Variants in PDZD8 observed in about 807,000 individuals in gnomAD.
The protein encoded by PDZD8 is PDZ domain containing 8.
Under a neutral mutation model 85.8 loss-of-function variants are expected in PDZD8, and 14 were observed. That is an observed-to-expected ratio of 0.16 (90% confidence interval 0.11 to 0.26). The LOEUF is 0.26. Among genes scored for constraint, PDZD8 ranks in the 10% least tolerant of loss-of-function variants. The pLI is 1.00. For synonymous variants in PDZD8, 592 were observed against 568.6 expected, an observed-to-expected ratio of 1.04 and a Z score of -0.59; for missense variants, 1,197 against 1,424.3, an observed-to-expected ratio of 0.84 and a Z score of 2.57.
intron 3 of PDZD8, among the ~76,000 whole-genome samples, chr10:117,301,517 C>T (rs1415224484): frequency 6.6e-6 from 1 of 152,192 alleles, no homozygotes; most frequent in Non-Finnish European, 1.5e-5. Context: ...CTATGTACAA[C>T]ATACTTGGCA....
intron 3 of PDZD8, among the ~76,000 whole-genome samples, chr10:117,312,955 T>C (rs1844063935): frequency 6.6e-6 from 1 of 152,216 alleles, no homozygotes; most frequent in African/African-American, 2.4e-5. Flanking sequence ...GTGACATCTT[T>C]CATGAAAAGT....
chr10:117,348,946 C>T (rs1030394929), intron 1 of PDZD8, among the ~76,000 whole-genome samples: 3 of 152,186 alleles, frequency 2.0e-5, no homozygotes, highest in African/African-American at 4.8e-5. Context: ...GTTTTACATA[C>T]ATTACTATAT....
chr10:117,305,469 C>T (rs74878800), intron 3 of PDZD8, among the ~76,000 whole-genome samples: 17 of 98,962 alleles, frequency 1.7e-4, no homozygotes, highest in African/African-American at 6.0e-4. Flanking sequence ...TATACACACA[C>T]ATACACACAC....
At chr10:117,337,786 C>T (rs1383598716) in intron 2 of PDZD8, among the ~76,000 whole-genome samples, 1 of 152,130 alleles carries the variant, frequency 6.6e-6, no homozygotes, top group East Asian at 1.9e-4. Flanking sequence ...AGCTCCCTTG[C>T]CCATTTCACA....
At chr10:117,364,766 TGA>T (rs373373244) in intron 1 of PDZD8, among the ~76,000 whole-genome samples, 128 of 152,052 alleles carry the variant, frequency 8.4e-4, no homozygotes, top group African/African-American at 2.7e-3. Flanking sequence ...AGAGAATGGC[TGA>T]GAGTAGAGAA....
intron 3 of PDZD8, among the ~76,000 whole-genome samples, chr10:117,302,725 C>T (rs2794418): frequency 0.49 from 75,012 of 151,902 alleles, 19,527 homozygotes; most frequent in South Asian, 0.58. Context: ...CCCAGGGGGG[C>T]GTAATTGAAT....
chr10:117,332,827 AAG>A (rs2133832733), intron 2 of PDZD8, among the ~76,000 whole-genome samples: 1 of 150,332 alleles, frequency 6.7e-6, no homozygotes, highest in Non-Finnish European at 1.5e-5. Context: ...TTTTTTAAAA[AAG>A]GATATGGGCC....
At chr10:117,325,805 A>G (rs1844306922) in intron 2 of PDZD8, among the ~76,000 whole-genome samples, 1 of 152,074 alleles carries the variant, frequency 6.6e-6, no homozygotes, top group South Asian at 2.1e-4. Flanking sequence ...GGATTCTTCT[A>G]GTTTCCTCCT....
Position 117,370,189 on chromosome 10 carries a change from A to G in PDZD8, c.872+4167T>C, listed in dbSNP as rs557723311. The stretch of plus-strand genomic sequence containing the variant: ...TGGATGAATGAAATTCCTAACTTGA[A>G]TAAATCTGTAAACATATTGTCTACA... On this transcript the variant is annotated intron_variant, in intron 1 of 4. Coordinates refer to ENST00000334464, the MANE Select transcript of PDZD8 (RefSeq NM_173791.5). Among the ~76,000 whole-genome samples the G allele has an allele frequency of 2.2e-4, 34 of 152,360 alleles. No homozygotes were observed. In the South Asian group the frequency reaches 6.4e-3, roughly 29 times the overall value.
At chr10:117,343,516 A>C (rs1844652538) in intron 1 of PDZD8, among the ~76,000 whole-genome samples, 1 of 151,604 alleles carries the variant, frequency 6.6e-6, no homozygotes, top group Admixed American at 6.6e-5. Context: ...GACTCCTGAA[A>C]AACATATAAC....
At position 117,283,991 on chromosome 10, in the gene PDZD8, T is replaced by C. The variant is rs1448014622; in HGVS notation, c.2742A>G (p.Leu914=). Residue 914 remains leucine, a synonymous_variant, in exon 5 of 5, where the codon TTA becomes TTG. Coordinates refer to ENST00000334464, the MANE Select transcript of PDZD8 (RefSeq NM_173791.5). The stretch of plus-strand genomic sequence containing the variant: ...CAGCATCAACACGAGGAGGCAGGCC[T>C]AAGAGGGTTTCCTGTCCTTCCAGCC... ...NLRLEGQETL[L]GLPPRVDAEA... 2 of 1,614,106 alleles carry C rather than the reference T, an allele frequency of 1.2e-6. No homozygotes were observed. The highest frequency in any genetic ancestry group is 8.5e-7 in the Non-Finnish European group (1 of 1,180,044).
rs753584056 is a variant in PDZD8 at position 117,283,847 on chromosome 10, A to G, written c.2886T>C (p.Asp962=). 2.8e-5 allele frequency: 45 copies of G among 1,614,134 alleles called. No homozygotes were observed. Among genetic ancestry groups the G allele is most frequent in the Admixed American group, 8.3e-5 (5 of 60,014 alleles). ...SKTRLSEPGT[D]LVEPSPKHTP... is the part of the protein sequence containing the mutation. ...TGTGTTTTGGTGAAGGTTCTACGAG[A>G]TCGGTTCCTGGTTCAGAAAGGCGAG... The change falls in exon 5 of 5, where the codon GAT becomes GAC. Residue 962 remains aspartate (D), a synonymous_variant. Coordinates refer to ENST00000334464, the MANE Select transcript of PDZD8 (RefSeq NM_173791.5).
intron 2 of PDZD8, among the ~76,000 whole-genome samples, chr10:117,330,042 G>GAGGA (rs1844394463): frequency 1.0e-5 from 1 of 96,626 alleles, no homozygotes; most frequent in African/African-American, 4.0e-5. Flanking sequence ...GGGAGGGAGG[G>GAGGA]AGGGAGGGAA....
chr10:117,326,983 G>C (rs1844328505), intron 2 of PDZD8, among the ~76,000 whole-genome samples: 1 of 152,148 alleles, frequency 6.6e-6, no homozygotes, highest in Non-Finnish European at 1.5e-5. Context: ...CCTGCTTAGG[G>C]AACATACTCC....
In PDZD8 at chr10:117,293,521, C is replaced by G. The variant is rs183688461; in HGVS notation, c.1099-3173G>C. ...CCAATATATACAAAAGTACAGAGAACAGTAAAATCAACTCAGTGGTAGACC... is the reference window on the plus strand; with the variant it reads ...CCAATATATACAAAAGTACAGAGAAGAGTAAAATCAACTCAGTGGTAGACC... On this transcript the variant is annotated intron_variant, in intron 3 of 4. Transcript: ENST00000334464. Among the ~76,000 whole-genome samples the G allele has an allele frequency of 1.5e-4, 23 of 152,072 alleles. No individual in the cohort carries two copies. The East Asian group carries it at 4.4e-3, about 29-fold the overall frequency.
At chr10:117,359,439 G>A (rs892938294) in intron 1 of PDZD8, among the ~76,000 whole-genome samples, 5 of 151,138 alleles carry the variant, frequency 3.3e-5, no homozygotes, top group Admixed American at 6.6e-5. Flanking sequence ...GGCTAGGCAC[G>A]GTGGCTCATG....
rs1029790 is a variant in PDZD8, at chr10:117,357,939, G to A, written c.872+16417C>T. Among the ~76,000 whole-genome samples the A allele has an allele frequency of 8.6e-3, 1,306 of 151,736 alleles. 17 individuals are homozygous for A. The highest frequency in any genetic ancestry group is 0.029 in the African/African-American group (1,218 of 41,362). ...TGAGCGCTACATACTTAGTATTTAC[G>A]GATAAAATACGTGGGATTTGCTTCA... is the stretch of plus-strand genomic sequence containing the variant. On this transcript the variant is annotated intron_variant, in intron 1 of 4. Coordinates refer to ENST00000334464, the MANE Select transcript of PDZD8 (RefSeq NM_173791.5).
intron 2 of PDZD8, among the ~76,000 whole-genome samples, chr10:117,337,344 T>C (rs1193032870): frequency 1.3e-5 from 2 of 152,190 alleles, no homozygotes; most frequent in African/African-American, 4.8e-5. Context: ...TTTCACCTAC[T>C]AGCAGTACGA....
intron 3 of PDZD8, among the ~76,000 whole-genome samples, chr10:117,315,519 G>C (rs1429975037): frequency 1.3e-5 from 2 of 150,250 alleles, no homozygotes; most frequent in African/African-American, 4.9e-5. Flanking sequence ...TGATCCAGGA[G>C]GTGGAGGTTG....
Sources: allele counts gnomAD v4.1 joint callset (sites outside exome capture counted in the v4.1 genomes callset), GRCh38; gene constraint gnomAD v4.1.1; transcripts MANE v1.5; gene names NCBI Gene and HGNC (gene_info 2026-07-23, HGNC 2026-07-21).